The following EVL variants were observed in gnomAD, a reference collection of about 807,000 sequenced individuals.
The protein encoded by EVL is Enah/Vasp-like, also known as ena/VASP-like protein.
EVL carries 21 observed loss-of-function variants against 59.6 expected under a neutral mutation model. The ratio of observed to expected loss-of-function variants is 0.35; its 90% CI spans 0.25 to 0.51. The LOEUF (loss-of-function observed/expected upper bound fraction) is 0.51, where lower values mean the gene tolerates loss of function less well. Ranked by LOEUF, EVL falls within the 20% of genes least tolerant of loss-of-function variation. The pLI, the probability that EVL is intolerant of heterozygous loss-of-function variation, is 0.97. For missense variants in EVL, 462 were observed against 546.6 expected (o/e 0.85, Z 1.54); for synonymous variants, 198 against 203.5 (o/e 0.97, Z 0.23).
chr14:100,071,219 A>C (rs866482098), intron 1 of EVL, among the ~76,000 whole-genome samples: 5 of 152,200 alleles, frequency 3.3e-5, no homozygotes, highest in Admixed American at 6.5e-5. Context: ...TATTTACCCA[A>C]AGCCTTTCTT....
rs184892529 is a variant in EVL, at chr14:99,979,830, C to T, written c.5+7773C>T. ...CTTGCAGTGAGCCAAGATCGTGCCA[C>T]TGCACTCCAGCCTGGGCGAACAGAG... is the stretch of plus-strand genomic sequence containing the variant. On this transcript the variant is annotated intron_variant, in intron 1 of 13. Coordinates refer to the EVL transcript ENST00000402714. Among the ~76,000 whole-genome samples, 14 of 152,294 alleles carry T rather than the reference C, an allele frequency of 9.2e-5. No homozygotes were observed. In the East Asian group the frequency reaches 2.7e-3, roughly 29 times the overall value.
rs2060882815 is a variant in EVL at position 99,992,613 on chromosome 14, A to G, written c.5+20556A>G. ...TTAGTTAATCTTTGTGTATGGTGTA[A>G]GGTAAGGATCTAACCTCATTCTTTG... On this transcript the variant is annotated intron_variant, in intron 1 of 13. Transcript: ENST00000402714. Among the ~76,000 whole-genome samples, 3 of 152,200 alleles carry G rather than the reference A, an allele frequency of 2.0e-5. No individual in the cohort carries two copies. The South Asian group carries it at 6.2e-4, about 31-fold the overall frequency.
rs75206383 is a variant in EVL, at chr14:100,135,807, G to A, written c.901-98G>A. 3.1e-3 allele frequency: 3,290 copies of A among 1,060,888 alleles called. 72 individuals are homozygous for A. In the African/African-American group the frequency reaches 0.045, roughly 15 times the overall value. 65.7% of individuals were successfully genotyped at this position (1,060,888 alleles called of 1,614,324 possible). On this transcript the variant is annotated intron_variant, in intron 8 of 13. Transcript: ENST00000392920. The stretch of plus-strand genomic sequence containing the variant: ...TATAAAAGTCATATGTGTTCATTGG[G>A]AACATTTGGAAAACTGAGGTTTTAT...
chr14:100,084,171 C>G (rs1357868340), intron 1 of EVL, among the ~76,000 whole-genome samples: 1 of 151,792 alleles, frequency 6.6e-6, no homozygotes, highest in Non-Finnish European at 1.5e-5. Context: ...TGTGCCTCAG[C>G]CTCCCGAGTA....
Position 100,109,203 on chromosome 14 carries a change from T to C in EVL, c.358+11545T>C, listed in dbSNP as rs538485186. Among the ~76,000 whole-genome samples the C allele has an allele frequency of 2.6e-5, 4 of 152,360 alleles. No individual in the cohort carries two copies. Among genetic ancestry groups the C allele is most frequent in the South Asian group, 2.1e-4 (1 of 4,828 alleles). ...CTCCCCTGAAGTGTTGTAATGGGGT[T>C]GTAACCCATCCACCTTCTCTTGTCC... On this transcript the variant is annotated intron_variant, in intron 3 of 13. Transcript: ENST00000392920. The surrounding 1 kb of genome is among the most constrained non-coding windows in gnomAD (Gnocchi z 4.3).
intron 4 of EVL, among the ~76,000 whole-genome samples, chr14:100,125,088 A>C (rs936810340): frequency 6.6e-6 from 1 of 151,074 alleles, no homozygotes. Context: ...GACCACACAC[A>C]GACACAGACA....
At chr14:100,054,049 CTTTTTTTTTTTT>C (rs11302582) in intron 1 of EVL, among the ~76,000 whole-genome samples, 1 of 61,256 alleles carries the variant, frequency 1.6e-5, no homozygotes, top group Non-Finnish European at 2.9e-5. Flanking sequence ...TATTTTTGGA[CTTTTTTTTTTTT>C]TTTTTTTTTT....
chr14:100,090,962 T>G (rs2062550969), intron 2 of EVL, among the ~76,000 whole-genome samples: 1 of 152,144 alleles, frequency 6.6e-6, no homozygotes, highest in South Asian at 2.1e-4. Flanking sequence ...GTGGAAAATG[T>G]GAAAGTAGCT....
At chr14:100,061,878 C>T (rs1183987573), upstream of EVL, among the ~76,000 whole-genome samples, 2 of 151,566 alleles carry the variant, frequency 1.3e-5, no homozygotes, top group Admixed American at 1.3e-4. Context: ...AGTTCTTCAT[C>T]CTTGTCATCT....
chr14:100,067,171 A>T (rs767409525), intron 1 of EVL, among the ~76,000 whole-genome samples: 7 of 152,178 alleles, frequency 4.6e-5, no homozygotes. Flanking sequence ...CACCATAGTG[A>T]CAGTCCTGGT....
At chr14:100,115,781 G>T (rs752957883) in intron 3 of EVL, among the ~76,000 whole-genome samples, 1 of 152,174 alleles carries the variant, frequency 6.6e-6, no homozygotes, top group African/African-American at 2.4e-5. Context: ...GAAAATTCAC[G>T]CCGGGTTCCT....
chr14:100,027,961 C>T (rs960462425), intron 1 of EVL, among the ~76,000 whole-genome samples: 1 of 152,204 alleles, frequency 6.6e-6, no homozygotes, highest in Non-Finnish European at 1.5e-5. Context: ...AGGCATGAGC[C>T]ACCGCACCCA....
At chr14:99,999,567 G>A (rs74088216) in intron 1 of EVL, among the ~76,000 whole-genome samples, 3,600 of 152,320 alleles carry the variant, frequency 0.024, 156 homozygotes, top group African/African-American at 0.083. Context: ...GAAGGCTGAG[G>A]CAGGAGGATC....
upstream of EVL, chr14:100,065,353 G>A: frequency 1.2e-6 from 1 of 839,594 alleles, no homozygotes; most frequent in Non-Finnish European, 1.6e-6. Context: ...TTTGTCTCTG[G>A]TTCAGCTTCC....
At chr14:100,013,176 C>T (rs1170749301) in intron 1 of EVL, among the ~76,000 whole-genome samples, 1 of 152,114 alleles carries the variant, frequency 6.6e-6, no homozygotes, top group Non-Finnish European at 1.5e-5. Flanking sequence ...CTAGTTCCAT[C>T]CCCAGGGACT....
intron 3 of EVL, among the ~76,000 whole-genome samples, chr14:100,115,045 C>CA (rs35310865): frequency 0.098 from 14,648 of 148,786 alleles, 1,671 homozygotes; most frequent in African/African-American, 0.28. Flanking sequence ...AGATTAGTCA[C>CA]AAAAAAAAAA....
chr14:99,974,529 G>A (rs942640871), intron 1 of EVL: 2 of 153,322 alleles, frequency 1.3e-5, no homozygotes, highest in Non-Finnish European at 2.9e-5. Flanking sequence ...TGACTGAGGT[G>A]TGGCAGTCCT....
At chr14:100,034,671 G>A (rs772584781) in intron 1 of EVL, among the ~76,000 whole-genome samples, 3 of 151,970 alleles carry the variant, frequency 2.0e-5, no homozygotes, top group Non-Finnish European at 4.4e-5. Flanking sequence ...CCAGAAATTC[G>A]AGGCTACAGT....
intron 1 of EVL, among the ~76,000 whole-genome samples, chr14:99,976,590 G>A (rs2060771795): frequency 6.6e-6 from 1 of 151,920 alleles, no homozygotes; most frequent in African/African-American, 2.4e-5. Flanking sequence ...TTATTTGTAG[G>A]AATAATTTGA....
Sources: gnomAD v4.1 joint callset for allele counts (sites outside exome capture counted in the v4.1 genomes callset) on GRCh38, gnomAD v4.1.1 for gene constraint, Gnocchi (gnomAD v3.1) non-coding constraint, MANE v1.5 for transcripts, NCBI Gene and HGNC (gene_info 2026-07-23, HGNC 2026-07-21) for gene names.